The following ADAMTSL1 variants were observed in gnomAD, a reference collection of about 807,000 sequenced individuals.
ADAMTSL1 encodes ADAMTS like 1, also known as ADAMTS-like protein 1.
A neutral mutation model predicts 201.8 loss-of-function variants in ADAMTSL1; 126 were observed. The ratio of observed to expected loss-of-function variants is 0.62; its 90% CI spans 0.54 to 0.72. The LOEUF (loss-of-function observed/expected upper bound fraction) is 0.72, where lower values mean the gene tolerates loss of function less well. Ranked by LOEUF, ADAMTSL1 falls within the 30% of genes least tolerant of loss-of-function variation. The pLI is 0.00. For missense variants in ADAMTSL1, 2,679 were observed against 2,277.8 expected (o/e 1.18, Z -3.59); for synonymous variants, 1,121 against 903.4 (o/e 1.24, Z -4.32).
chr9:18,848,340 C>T (rs150453772), intron 23 of ADAMTSL1, among the ~76,000 whole-genome samples: 1 of 152,200 alleles, frequency 6.6e-6, no homozygotes, highest in Non-Finnish European at 1.5e-5. Context: ...TCTTCTACAA[C>T]CCATGTATAA....
chr9:18,904,682 A>T lies in ADAMTSL1; in HGVS notation c.4852-1100A>T, dbSNP rs995055855. On this transcript the variant is annotated intron_variant, in intron 26 of 28. Transcript: ENST00000380548. ...AAAAAAAAAAAAAAAAGGTCCGTTTATGTGTATTTTACGATTTAAAAAAAA... is the reference window on the plus strand; with the variant it reads ...AAAAAAAAAAAAAAAAGGTCCGTTTTTGTGTATTTTACGATTTAAAAAAAA... Among the ~76,000 whole-genome samples, 9 of 95,934 alleles carry T rather than the reference A, an allele frequency of 9.4e-5. 2 individuals carry two copies. The highest frequency in any genetic ancestry group is 3.9e-4 in the South Asian group (1 of 2,532). The allele number at this position is 95,934 out of a possible 152,430, so 62.9% of individuals were successfully genotyped here.
At chr9:18,682,133 A>G (rs1224739250) in intron 12 of ADAMTSL1, among the ~76,000 whole-genome samples, 174 bp downstream of exon 12, 2 of 152,220 alleles carry the variant, frequency 1.3e-5, no homozygotes, top group Non-Finnish European at 2.9e-5. Context: ...AGTGATTTTG[A>G]TTGCAAAATT....
At chr9:18,799,927 T>C (rs1365005399) in intron 20 of ADAMTSL1, among the ~76,000 whole-genome samples, 1 of 152,232 alleles carries the variant, frequency 6.6e-6, no homozygotes, top group Non-Finnish European at 1.5e-5. Context: ...AAGCTTATCA[T>C]AATGTAAGTC....
chr9:18,345,429 A>T (rs1835670905), intron 2 of ADAMTSL1, among the ~76,000 whole-genome samples: 1 of 152,184 alleles, frequency 6.6e-6, no homozygotes, highest in Non-Finnish European at 1.5e-5. Context: ...GAATTTATCA[A>T]ATGAATCTTT....
At chr9:18,671,043 A>G (rs1344139000) in intron 9 of ADAMTSL1, among the ~76,000 whole-genome samples, 1 of 152,172 alleles carries the variant, frequency 6.6e-6, no homozygotes, top group Non-Finnish European at 1.5e-5. Context: ...TTATACTATA[A>G]TGTTTAGGGA....
At chr9:18,213,599 C>A (rs185080851) in intron 2 of ADAMTSL1, among the ~76,000 whole-genome samples, 3 of 152,136 alleles carry the variant, frequency 2.0e-5, no homozygotes, top group Non-Finnish European at 1.5e-5. Flanking sequence ...AAAATGAGGA[C>A]GTTCTGTGCT....
chr9:18,458,686 G>T (rs542789227), intron 2 of ADAMTSL1, among the ~76,000 whole-genome samples: 15 of 152,214 alleles, frequency 9.9e-5, no homozygotes, highest in African/African-American at 3.6e-4. Context: ...TTCGATCCAG[G>T]CAGTGCTCAG....
intron 2 of ADAMTSL1, among the ~76,000 whole-genome samples, chr9:18,508,960 G>A (rs1817850657): frequency 1.1e-5 from 1 of 94,938 alleles, no homozygotes; most frequent in Admixed American, 9.1e-5. Context: ...CGAGGCGGGT[G>A]GATCATGAGG....
chr9:18,589,927 G>A (rs1020532572), intron 4 of ADAMTSL1, among the ~76,000 whole-genome samples: 5 of 152,018 alleles, frequency 3.3e-5, no homozygotes, highest in Admixed American at 1.3e-4. Context: ...TCTTAATCAT[G>A]GTGAATGGTC....
chr9:18,016,694 C>T (rs1284687794), intron 1 of ADAMTSL1, among the ~76,000 whole-genome samples: 2 of 152,002 alleles, frequency 1.3e-5, no homozygotes, highest in Non-Finnish European at 1.5e-5. Flanking sequence ...TCCCATGTCC[C>T]ATCAAGGTGC....
At chr9:18,161,611 A>G (rs1203795997) in intron 1 of ADAMTSL1, among the ~76,000 whole-genome samples, 1 of 152,082 alleles carries the variant, frequency 6.6e-6, no homozygotes, top group East Asian at 1.9e-4. Flanking sequence ...AAGCACAGCC[A>G]TTCCTTACCT....
At chr9:18,177,433 C>T (rs56817849) in intron 2 of ADAMTSL1, among the ~76,000 whole-genome samples, 31,390 of 152,116 alleles carry the variant, frequency 0.21, 3,366 homozygotes, top group East Asian at 0.24. Flanking sequence ...ATTAAGTCCA[C>T]CGTATGTGCC....
At chr9:18,423,443 T>C (rs946151972) in intron 2 of ADAMTSL1, among the ~76,000 whole-genome samples, 1 of 152,222 alleles carries the variant, frequency 6.6e-6, no homozygotes, top group Non-Finnish European at 1.5e-5. Flanking sequence ...AATGGTTACA[T>C]AGGTAAACAT....
At chr9:18,519,038 TC>T (rs2132018978) in intron 2 of ADAMTSL1, among the ~76,000 whole-genome samples, 1 of 152,232 alleles carries the variant, frequency 6.6e-6, no homozygotes, top group East Asian at 1.9e-4. Context: ...ACCTACAATG[TC>T]CCTCCCTCCC....
intron 2 of ADAMTSL1, among the ~76,000 whole-genome samples, chr9:18,298,275 G>A (rs892563195): frequency 6.6e-5 from 10 of 152,164 alleles, no homozygotes; most frequent in African/African-American, 1.7e-4. Flanking sequence ...CCAGAGAGCC[G>A]TGCAGGGTAA....
chr9:18,283,193 A>G (rs1313530754), intron 2 of ADAMTSL1, among the ~76,000 whole-genome samples: 1 of 151,578 alleles, frequency 6.6e-6, no homozygotes, highest in Non-Finnish European at 1.5e-5. Context: ...ATTATAAAAT[A>G]CTCCTCTCTT....
At position 18,680,380 on chromosome 9, in the gene ADAMTSL1, C is replaced by T. The variant is rs959284520; in HGVS notation, c.1205C>T (p.Ser402Phe). The T allele has an allele frequency of 6.2e-7, 1 of 1,614,138 alleles. No homozygotes were observed. The highest frequency in any genetic ancestry group is 8.5e-7 in the Non-Finnish European group (1 of 1,180,004). The change falls in exon 11 of 29, where the codon TCC becomes TTC. Residue 402 changes from serine to phenylalanine, a missense_variant. Transcript: ENST00000380548. ...CGGGIQSRAV[S>F]CVEEDIQGHV... ...GGGGGCATCCAGAGCCGGGCAGTTTCCTGTGTGGAGGAGGACATCCAGGGG... is the reference window on the plus strand; with the variant it reads ...GGGGGCATCCAGAGCCGGGCAGTTTTCTGTGTGGAGGAGGACATCCAGGGG...
intron 2 of ADAMTSL1, among the ~76,000 whole-genome samples, chr9:18,292,170 T>C (rs16936542): frequency 0.061 from 9,253 of 152,124 alleles, 946 homozygotes; most frequent in African/African-American, 0.21. Flanking sequence ...AAGAAGGATC[T>C]GGATCTGCGT....
chr9:18,188,437 C>T (rs924470086), intron 2 of ADAMTSL1, among the ~76,000 whole-genome samples: 5 of 152,058 alleles, frequency 3.3e-5, no homozygotes, highest in African/African-American at 9.7e-5. Context: ...ATGCAAGTGA[C>T]CTTTGATGAG....
Sources: allele counts gnomAD v4.1 joint callset (sites outside exome capture counted in the v4.1 genomes callset), GRCh38; gene constraint gnomAD v4.1.1; transcripts MANE v1.5; gene names NCBI Gene and HGNC (gene_info 2026-07-23, HGNC 2026-07-21).